EXOC2: variants seen among roughly 807,000 people sequenced by gnomAD.
EXOC2 encodes the protein exocyst complex component 2.
In EXOC2, 70 loss-of-function variants were observed where a neutral mutation model predicts 131.8. That is an observed-to-expected ratio of 0.53 (90% CI 0.44 to 0.65). The LOEUF (loss-of-function observed/expected upper bound fraction) is 0.65. Among genes scored for constraint, EXOC2 ranks in the 30% least tolerant of loss-of-function variants. The pLI, the probability that EXOC2 is intolerant of heterozygous loss-of-function variation, is 0.00. For synonymous variants in EXOC2, 411 were observed against 398.4 expected (o/e 1.03, Z -0.38); for missense variants, 923 against 1,108.6 (o/e 0.83, Z 2.38).
At chr6:557,955 C>T (rs1177546383) in intron 17 of EXOC2, among the ~76,000 whole-genome samples, 2 of 152,064 alleles carry the variant, frequency 1.3e-5, no homozygotes, top group Non-Finnish European at 2.9e-5. Context: ...ACAAGAGCAG[C>T]GTGTCAGAAC....
chr6:568,478 G>T (rs534121334), intron 13 of EXOC2, among the ~76,000 whole-genome samples: 3 of 152,272 alleles, frequency 2.0e-5, no homozygotes, highest in African/African-American at 4.8e-5. Context: ...AGACCCTTGC[G>T]GCTTGTCAGT....
chr6:658,663 A>ATT (rs1321564513), intron 1 of EXOC2, among the ~76,000 whole-genome samples: 27 of 71,864 alleles, frequency 3.8e-4, no homozygotes, highest in East Asian at 1.5e-3. Flanking sequence ...ATATATATAT[A>ATT]TATTTTTTTT....
intron 24 of EXOC2, 73 bp from the exon 25 acceptor site, chr6:497,562 T>C (rs952963117): frequency 1.3e-6 from 2 of 1,510,292 alleles, no homozygotes; most frequent in African/African-American, 1.4e-5. Context: ...AAAGTTAACA[T>C]TCAAAACAAA....
intron 6 of EXOC2, among the ~76,000 whole-genome samples, chr6:615,186 T>TAG (rs1760927582): frequency 7.4e-6 from 1 of 135,810 alleles, no homozygotes; most frequent in African/African-American, 2.6e-5. Flanking sequence ...GGTGTGGGTG[T>TAG]GTGTGTGTGT....
At chr6:567,677 CTGT>C (rs548810259) in intron 13 of EXOC2, among the ~76,000 whole-genome samples, 58 of 152,040 alleles carry the variant, frequency 3.8e-4, no homozygotes, top group South Asian at 1.3e-3. Context: ...TGTTGTGTGT[CTGT>C]TGTGTGTGTG....
intron 21 of EXOC2, 121 bp downstream of exon 21, chr6:553,733 C>A: frequency 1.4e-6 from 1 of 734,022 alleles, no homozygotes; most frequent in Non-Finnish European, 2.4e-6. Flanking sequence ...AGCTCCAAAG[C>A]ACAGCACAGT....
At chr6:587,964 T>C (rs923804223) in intron 11 of EXOC2, among the ~76,000 whole-genome samples, 1 of 152,150 alleles carries the variant, frequency 6.6e-6, no homozygotes, top group African/African-American at 2.4e-5. Context: ...TAATCCAGGG[T>C]GAGGGAGGGG....
chr6:637,952 T>C (rs1052630670), intron 1 of EXOC2, 91 bp from the exon 2 acceptor site: 2 of 827,210 alleles, frequency 2.4e-6, no homozygotes, highest in African/African-American at 1.7e-5. Flanking sequence ...TACCAAAATA[T>C]AAAAAGTATT....
At chr6:571,829 G>T (rs1758292159) in intron 13 of EXOC2, among the ~76,000 whole-genome samples, 1 of 152,192 alleles carries the variant, frequency 6.6e-6, no homozygotes, top group South Asian at 2.1e-4. Flanking sequence ...AGGACAAAGG[G>T]CGTTAGAATC....
chr6:522,365 A>T lies in EXOC2; in HGVS notation c.2380+10104T>A, dbSNP rs147249540. 9.8e-3 allele frequency among the ~76,000 whole-genome samples: 1,439 copies of T among 147,372 alleles called. 11 individuals carry two copies. The highest frequency in any genetic ancestry group is 0.014 in the Non-Finnish European group (945 of 66,944). ...GTGTCTCCAGGCCTCAGCCAGGCCC[A>T]TGCGGACTGCAGGACAGCGTGTGGG... On this transcript the variant is annotated intron_variant, in intron 23 of 27. Transcript: ENST00000230449.
chr6:657,007 G>T, intron 1 of EXOC2: 2 of 1,319,714 alleles, frequency 1.5e-6, no homozygotes, highest in South Asian at 3.1e-5. Context: ...AAGCCCTTCC[G>T]GTCCGCTGGG....
chr6:539,416 C>T (rs1283310419), intron 22 of EXOC2, among the ~76,000 whole-genome samples: 2 of 152,188 alleles, frequency 1.3e-5, no homozygotes, highest in East Asian at 3.8e-4. Flanking sequence ...CCAGCCAGTG[C>T]TCCCAATAAG....
rs374719259 is a variant in EXOC2, at chr6:495,343, C to G, written c.2559+2024G>C. On this transcript the variant is annotated intron_variant, in intron 25 of 27. Coordinates refer to ENST00000230449, the MANE Select transcript of EXOC2 (RefSeq NM_018303.6). ...GTTTCACCGTGTTAGCCAGGATGGT[C>G]TCGATCTCCTGACCTCGTGATCCGC... Among the ~76,000 whole-genome samples, 231 of 152,098 alleles carry G rather than the reference C, an allele frequency of 1.5e-3. 4 individuals carry two copies. The South Asian group carries it at 0.041, about 27-fold the overall frequency.
At chr6:604,997 A>T (rs779909906) in intron 7 of EXOC2, among the ~76,000 whole-genome samples, 82 of 152,116 alleles carry the variant, frequency 5.4e-4, no homozygotes, top group Non-Finnish European at 7.4e-4. Context: ...CCATCATTTG[A>T]TCACCTGAAT....
intron 4 of EXOC2, among the ~76,000 whole-genome samples, chr6:622,279 T>C (rs747243446): frequency 1.2e-4 from 18 of 152,190 alleles, no homozygotes; most frequent in Non-Finnish European, 2.2e-4. Context: ...TGGTATCAAC[T>C]AAGTTCCTAC....
Position 564,031 on chromosome 6 carries a change from A to C in EXOC2, c.1789+2T>G. 6.2e-7 allele frequency: 1 copy of C among 1,613,286 alleles called. No homozygotes were observed. Among genetic ancestry groups the C allele is most frequent in the Non-Finnish European group, 8.5e-7 (1 of 1,179,716 alleles). ...GAACGTCACCGATTTATCAAAACAC[A>C]CCTTCCGCCGTGTGCTGCAACGTGG... On this transcript the variant is annotated splice_donor_variant, in intron 16 of 27. Transcript: ENST00000230449. LOFTEE classifies it high-confidence loss of function.
At chr6:542,855 G>C (rs1756635600) in intron 22 of EXOC2, among the ~76,000 whole-genome samples, 1 of 152,220 alleles carries the variant, frequency 6.6e-6, no homozygotes, top group Non-Finnish European at 1.5e-5. Flanking sequence ...AAAGCCATGA[G>C]AGAAAGAGGC....
chr6:562,468 T>C (rs1757751759), intron 17 of EXOC2, among the ~76,000 whole-genome samples: 1 of 152,234 alleles, frequency 6.6e-6, no homozygotes, highest in South Asian at 2.1e-4. Context: ...TCTTCTATCC[T>C]GCTTTCCGGA....
chr6:656,235 A>C (rs1763074984), intron 1 of EXOC2: 1 of 1,614,218 alleles, frequency 6.2e-7, no homozygotes, highest in African/African-American at 1.3e-5. Context: ...CAAAAACTGC[A>C]GAAGCTTCCG....
Sources: gnomAD v4.1 joint callset for allele counts (sites outside exome capture counted in the v4.1 genomes callset) on GRCh38, gnomAD v4.1.1 for gene constraint, MANE v1.5 for transcripts, NCBI Gene and HGNC (gene_info 2026-07-23, HGNC 2026-07-21) for gene names.